The following IL13RA1 variants were observed in gnomAD, a reference collection of about 807,000 sequenced individuals.
IL13RA1 encodes interleukin 13 receptor subunit alpha 1.
In IL13RA1, 14 loss-of-function variants were observed where a neutral mutation model predicts 33.8. The ratio of observed to expected loss-of-function variants is 0.41; its 90% CI spans 0.27 to 0.65. The LOEUF is 0.65. Among genes scored for constraint, IL13RA1 ranks in the 30% least tolerant of loss-of-function variants. The pLI, the probability that IL13RA1 is intolerant of heterozygous loss-of-function variation, is 0.28. For missense variants in IL13RA1, 313 were observed against 327.0 expected (o/e 0.96, Z 0.33); for synonymous variants, 116 against 115.7 (o/e 1.00, Z -0.02).
intron 6 of IL13RA1, among the ~76,000 whole-genome samples, chrX:118,765,721 TAAC>T (rs963426183): frequency 3.6e-5 from 4 of 112,406 alleles, no homozygotes; most frequent in Non-Finnish European, 5.6e-5. Flanking sequence ...TAGTAGATAA[TAAC>T]AGTTTTCCTG....
At chrX:118,737,821 G>C (rs1231818500) in intron 1 of IL13RA1, among the ~76,000 whole-genome samples, 1 of 111,684 alleles carries the variant, frequency 9.0e-6, no homozygotes, top group Non-Finnish European at 1.9e-5. Context: ...TGGGAGGTAG[G>C]TGGGTAGGGA....
At chrX:118,781,888 G>A (rs1227810280) in intron 10 of IL13RA1, among the ~76,000 whole-genome samples, 1 of 111,273 alleles carries the variant, frequency 9.0e-6, no homozygotes, top group African/African-American at 3.3e-5. Flanking sequence ...GTCCCCTCCT[G>A]CCATCTGCAC....
At chrX:118,800,289 C>G in the IL13RA1 span, among the ~76,000 whole-genome samples, 1 of 110,318 alleles carries the variant, frequency 9.1e-6, no homozygotes, top group African/African-American at 3.3e-5. Flanking sequence ...TCCCCTTCCA[C>G]TTCTTTCACT....
intron 8 of IL13RA1, among the ~76,000 whole-genome samples, chrX:118,769,434 TTCTC>T (rs2017686236): frequency 8.9e-6 from 1 of 112,622 alleles, no homozygotes; most frequent in Non-Finnish European, 1.9e-5. Flanking sequence ...AGCCTTATCT[TTCTC>T]ATCTGCTTAA....
At chrX:118,763,703 A>G (rs1278311436) in intron 6 of IL13RA1, among the ~76,000 whole-genome samples, 4 of 112,346 alleles carry the variant, frequency 3.6e-5, no homozygotes, top group Non-Finnish European at 5.6e-5. Flanking sequence ...CACACAGCTA[A>G]TAAGTCAGTA....
chrX:118,750,644 A>G (rs2017460951), intron 4 of IL13RA1, among the ~76,000 whole-genome samples: 1 of 110,436 alleles, frequency 9.1e-6, no homozygotes, highest in Non-Finnish European at 1.9e-5. Context: ...CAAGAGTGCA[A>G]TTGCTGGGTC....
At chrX:118,784,682 CA>C (rs1338141648) in intron 10 of IL13RA1, among the ~76,000 whole-genome samples, 3 of 111,679 alleles carry the variant, frequency 2.7e-5, no homozygotes, top group Middle Eastern at 4.6e-3. Context: ...AAAGTTTTCT[CA>C]GGAAGTATTC....
chrX:118,769,198 CAT>C (rs1310081810), intron 8 of IL13RA1, among the ~76,000 whole-genome samples: 2 of 112,582 alleles, frequency 1.8e-5, no homozygotes, highest in African/African-American at 6.5e-5. Context: ...AGGCAGGAAT[CAT>C]GTGGAGAAAT....
rs1228633951 is a variant in IL13RA1 at position 118,766,964 on chromosome X, G to T, written c.997G>T (p.Glu333Ter). Reference protein sequence around the residue: ...DDKLWSNWSQEMSIGKKRNST... With the variant: ...DDKLWSNWSQ ...CAAACTCTGGAGTAATTGGAGCCAA[G>T]AAATGAGTATAGGTAAGAGAACAGA... Residue 333 changes from glutamate (E) to a stop codon, truncating the protein, a stop_gained, in exon 8 of 11, where the codon GAA (glutamate) becomes TAA (stop). Coordinates refer to ENST00000371666, the MANE Select transcript of IL13RA1 (RefSeq NM_001560.3). LOFTEE classifies it high-confidence loss of function. The T allele has an allele frequency of 8.9e-7, 1 of 1,121,660 alleles. No homozygotes were observed. Among genetic ancestry groups the T allele is most frequent in the Non-Finnish European group, 1.2e-6 (1 of 821,688 alleles). 92.4% of individuals were successfully genotyped at this position (1,121,660 alleles called of 1,213,427 possible).
chrX:118,798,502 T>C (rs1442531483), downstream of IL13RA1, among the ~76,000 whole-genome samples: 2 of 111,724 alleles, frequency 1.8e-5, no homozygotes, highest in African/African-American at 3.3e-5. Flanking sequence ...TCATGAATTT[T>C]TGGGGGGAGA....
intron 10 of IL13RA1, among the ~76,000 whole-genome samples, chrX:118,790,308 T>G (rs1219078797): frequency 2.7e-5 from 3 of 112,616 alleles, no homozygotes; most frequent in Non-Finnish European, 1.9e-5. Flanking sequence ...GTGGTGTGTG[T>G]CAGTAGTTCA....
Position 118,766,909 on chromosome X carries a change from C to A in IL13RA1, c.942C>A (p.Val314=). Residue 314 remains valine (V), a synonymous_variant, in exon 8 of 11, where the codon GTC becomes GTA. Coordinates refer to ENST00000371666, the MANE Select transcript of IL13RA1 (RefSeq NM_001560.3). ...CTTTGAACACAGTCAGAATAAGAGT[C>A]AAAACAAATAAGTTATGCTATGAGG... ...PDTLNTVRIR[V]KTNKLCYEDD... 3 of 1,099,900 alleles carry A rather than the reference C, an allele frequency of 2.7e-6. No individual in the cohort carries two copies. Among genetic ancestry groups the A allele is most frequent in the Non-Finnish European group, 3.8e-6 (3 of 796,933 alleles). 90.6% of individuals were successfully genotyped at this position (1,099,900 alleles called of 1,213,427 possible).
At chrX:118,737,929 A>C (rs2017299661) in intron 1 of IL13RA1, 1 of 111,919 alleles carries the variant, frequency 8.9e-6, no homozygotes, top group Non-Finnish European at 1.9e-5. Context: ...TCCAGTAGGA[A>C]CAATGTTTTT....
At chrX:118,780,349 C>T (rs774481560) in intron 10 of IL13RA1, among the ~76,000 whole-genome samples, 11 of 112,662 alleles carry the variant, frequency 9.8e-5, no homozygotes, top group African/African-American at 3.2e-4. Context: ...GTTCAAAACT[C>T]GAGATTCTCA....
downstream of IL13RA1, among the ~76,000 whole-genome samples, chrX:118,799,104 A>G (rs7888090): frequency 0.058 from 6,510 of 112,827 alleles, 457 homozygotes; most frequent in African/African-American, 0.2. Context: ...ACCCGGGCCA[A>G]TGGCTGCGGA....
chrX:118,759,316 G>A (rs1247921221), intron 5 of IL13RA1, among the ~76,000 whole-genome samples: 1 of 112,306 alleles, frequency 8.9e-6, no homozygotes, highest in Non-Finnish European at 1.9e-5. Context: ...TAAAAAAATT[G>A]TCATAAGGTC....
At chrX:118,758,376 A>G (rs1284700891) in intron 5 of IL13RA1, 134 bp downstream of exon 5, 18 of 352,090 alleles carry the variant, frequency 5.1e-5, no homozygotes, top group Non-Finnish European at 7.6e-5. Context: ...TTGATGTATA[A>G]CTTTCTTTGA....
At chrX:118,744,770 G>A (rs1017991680) in intron 2 of IL13RA1, among the ~76,000 whole-genome samples, 2 of 111,722 alleles carry the variant, frequency 1.8e-5, no homozygotes, top group African/African-American at 3.3e-5. Flanking sequence ...CTAAAACTCC[G>A]TAACCCTCTA....
intron 10 of IL13RA1, among the ~76,000 whole-genome samples, chrX:118,777,619 T>C (rs967862696): frequency 9.0e-6 from 1 of 111,380 alleles, no homozygotes; most frequent in Non-Finnish European, 1.9e-5. Flanking sequence ...TTGAAATGCA[T>C]TGTGTTCATG....
Sources: gnomAD v4.1 joint callset for allele counts (sites outside exome capture counted in the v4.1 genomes callset) on GRCh38, gnomAD v4.1.1 for gene constraint, MANE v1.5 for transcripts, NCBI Gene and HGNC (gene_info 2026-07-23, HGNC 2026-07-21) for gene names.